Variants in SSH2 observed in about 807,000 individuals in gnomAD.
SSH2 encodes the protein slingshot protein phosphatase 2.
SSH2 carries 37 observed loss-of-function variants against 135.2 expected under a neutral mutation model. That is an observed-to-expected ratio of 0.27 (90% CI 0.21 to 0.36). The LOEUF is 0.36. SSH2 is among the 10% of genes least tolerant of loss of function. The pLI is 1.00. For missense variants in SSH2, 1,408 were observed against 1,765.3 expected (o/e 0.80, Z 3.63); for synonymous variants, 628 against 646.2 (o/e 0.97, Z 0.43).
rs562853305 is a variant in SSH2, at chr17:29,760,941, C to T, written c.188+32953G>A. On this transcript the variant is annotated intron_variant, in intron 3 of 15. Transcript: ENST00000540801. Reference sequence around the variant, plus strand: ...CTCCCAAAGGATTCTTCCGTCCACCCCCACCCCGGGACACTTTCCGCCTCC... The same window carrying T: ...CTCCCAAAGGATTCTTCCGTCCACCTCCACCCCGGGACACTTTCCGCCTCC... 8.5e-5 allele frequency among the ~76,000 whole-genome samples: 13 copies of T among 152,232 alleles called. 1 individual carries two copies. The highest frequency in any genetic ancestry group is 4.6e-4 in the Admixed American group (7 of 15,294).
At chr17:29,845,173 A>G (rs952441412) in intron 2 of SSH2, among the ~76,000 whole-genome samples, 1 of 152,212 alleles carries the variant, frequency 6.6e-6, no homozygotes, top group Non-Finnish European at 1.5e-5. Flanking sequence ...TCGACGATTG[A>G]CTTTATCTTC....
At position 29,636,265 on chromosome 17, in the gene SSH2, A is replaced by G; in HGVS notation, c.1965T>C (p.Asp655=). The G allele has an allele frequency of 6.2e-7, 1 of 1,614,050 alleles. No homozygotes were observed. ...SPLKDPPMSP[D]PESPSPQPSC... ...TGGGTTGGGGGCTTGGTGACTCAGG[A>G]TCAGGGGACATGGGGGGGTCTTTCA... The change falls in exon 15 of 16, where the codon GAT becomes GAC. Residue 655 remains aspartate (D), a synonymous_variant. Transcript: ENST00000540801.
intron 3 of SSH2, among the ~76,000 whole-genome samples, chr17:29,739,256 C>A (rs2040478678): frequency 6.6e-6 from 1 of 152,158 alleles, no homozygotes; most frequent in African/African-American, 2.4e-5. Context: ...ATCTATTTAA[C>A]TTCACATCCT....
At chr17:29,731,132 C>T (rs2040175284) in intron 3 of SSH2, among the ~76,000 whole-genome samples, 1 of 152,114 alleles carries the variant, frequency 6.6e-6, no homozygotes, top group Non-Finnish European at 1.5e-5. Context: ...TTTCTCCATT[C>T]ACATGAGATA....
At chr17:29,693,994 G>A (rs1236661065) in intron 5 of SSH2, among the ~76,000 whole-genome samples, 1 of 152,204 alleles carries the variant, frequency 6.6e-6, no homozygotes, top group African/African-American at 2.4e-5. Context: ...GTAATCTAGA[G>A]CAGGCAGCAA....
intron 14 of SSH2, among the ~76,000 whole-genome samples, chr17:29,646,869 C>T (rs1339104773): frequency 6.6e-6 from 1 of 152,054 alleles, no homozygotes. Context: ...TATACACATC[C>T]GTATTCTGCT....
chr17:29,902,062 C>A (rs2066567691), intron 1 of SSH2, among the ~76,000 whole-genome samples: 1 of 152,144 alleles, frequency 6.6e-6, no homozygotes, highest in African/African-American at 2.4e-5. Context: ...GTTGGGATTA[C>A]AGGCATAAAC....
At chr17:29,821,500 GAA>G (rs34719776) in intron 2 of SSH2, among the ~76,000 whole-genome samples, 14 of 145,632 alleles carry the variant, frequency 9.6e-5, no homozygotes, top group African/African-American at 3.2e-4. Flanking sequence ...AATAAATTAT[GAA>G]AAAAAAAAAT....
intron 14 of SSH2, chr17:29,641,808 A>G (rs1272545252): frequency 2.0e-5 from 3 of 152,152 alleles, no homozygotes; most frequent in Non-Finnish European, 2.9e-5. Flanking sequence ...AGAAAGTTAT[A>G]TAAAGGAAAA....
chr17:29,880,896 G>A (rs2066126729), intron 1 of SSH2, among the ~76,000 whole-genome samples: 1 of 152,126 alleles, frequency 6.6e-6, no homozygotes, highest in Admixed American at 6.6e-5. Context: ...GCTAGACCTG[G>A]GGATTCCTGG....
At chr17:29,676,943 G>T in intron 7 of SSH2, 58 bp from the exon 8 acceptor site, 1 of 1,462,726 alleles carries the variant, frequency 6.8e-7, no homozygotes, top group Non-Finnish European at 9.6e-7. Context: ...TATTTGAATT[G>T]TGAGTTTTCA....
intron 2 of SSH2, among the ~76,000 whole-genome samples, chr17:29,827,686 G>A (rs2042770482): frequency 6.6e-6 from 1 of 151,762 alleles, no homozygotes; most frequent in Admixed American, 6.6e-5. Flanking sequence ...ATTATGACTT[G>A]GCATATCCCT....
chr17:29,809,509 C>T (rs1402168707), intron 2 of SSH2, among the ~76,000 whole-genome samples: 2 of 152,018 alleles, frequency 1.3e-5, no homozygotes, highest in African/African-American at 4.8e-5. Flanking sequence ...TTCCCTCTGC[C>T]TAGAATACCC....
intron 5 of SSH2, among the ~76,000 whole-genome samples, chr17:29,693,349 T>C (rs1567885523): frequency 6.6e-6 from 1 of 152,038 alleles, no homozygotes; most frequent in Non-Finnish European, 1.5e-5. Flanking sequence ...TCTTCTTCTG[T>C]CATCCAGGTT....
intron 3 of SSH2, among the ~76,000 whole-genome samples, chr17:29,726,679 A>C (rs2040012943): frequency 6.6e-6 from 1 of 152,154 alleles, no homozygotes; most frequent in African/African-American, 2.4e-5. Flanking sequence ...ACAATGAGAA[A>C]TGTTTTGATA....
intron 3 of SSH2, among the ~76,000 whole-genome samples, chr17:29,786,341 C>T (rs1031539819): frequency 1.3e-5 from 2 of 152,124 alleles, no homozygotes; most frequent in Non-Finnish European, 2.9e-5. Flanking sequence ...TGGGGAGGAG[C>T]CTGGCCCCTC....
intron 3 of SSH2, among the ~76,000 whole-genome samples, chr17:29,746,083 G>A (rs1163502078): frequency 6.6e-6 from 1 of 152,132 alleles, no homozygotes. Flanking sequence ...ACAGAGGTAG[G>A]ATTAACACAA....
intron 3 of SSH2, among the ~76,000 whole-genome samples, chr17:29,716,975 T>G (rs2039645838): frequency 6.6e-6 from 1 of 152,194 alleles, no homozygotes; most frequent in Non-Finnish European, 1.5e-5. Context: ...TTCTCCTTTT[T>G]GACTACCCTG....
chr17:29,783,195 C>T (rs1181230424), intron 3 of SSH2, among the ~76,000 whole-genome samples: 5 of 150,742 alleles, frequency 3.3e-5, no homozygotes, highest in Non-Finnish European at 4.4e-5. Context: ...TGGGGTCATT[C>T]GGTTGTTAGA....
Sources: allele counts gnomAD v4.1 joint callset (sites outside exome capture counted in the v4.1 genomes callset), GRCh38; gene constraint gnomAD v4.1.1; transcripts MANE v1.5; gene names NCBI Gene and HGNC (gene_info 2026-07-23, HGNC 2026-07-21).